Variants in FOXJ3 observed in about 807,000 individuals in gnomAD.
The protein encoded by FOXJ3 is forkhead box J3.
Under a neutral mutation model 76.1 loss-of-function variants are expected in FOXJ3, and 22 were observed. That is an observed-to-expected ratio of 0.29 (90% CI 0.21 to 0.41). The LOEUF is 0.41. Among genes scored for constraint, FOXJ3 ranks in the 10% least tolerant of loss-of-function variants. The probability of loss-of-function intolerance (pLI) is 1.00; values close to 1 mark genes in which losing one functional copy is unlikely to be tolerated. For synonymous variants in FOXJ3, 269 were observed against 261.2 expected, an observed-to-expected ratio of 1.03 and a Z score of -0.29; for missense variants, 613 against 762.1, an observed-to-expected ratio of 0.80 and a Z score of 2.30.
At chr1:42,297,788 T>C (rs1314437333) in intron 2 of FOXJ3, among the ~76,000 whole-genome samples, 1 of 152,216 alleles carries the variant, frequency 6.6e-6, no homozygotes, top group Non-Finnish European at 1.5e-5. Context: ...TGTCCTCACC[T>C]GACTTTGATA....
intron 2 of FOXJ3, 134 bp from the exon 3 acceptor site, chr1:42,278,806 T>C: frequency 6.2e-6 from 4 of 640,044 alleles, no homozygotes; most frequent in Non-Finnish European, 1.1e-5. Flanking sequence ...AGATTGAGTA[T>C]GTTAATGAGC....
At chr1:42,321,526 G>T (rs1166464693) in intron 1 of FOXJ3, among the ~76,000 whole-genome samples, 5 of 152,110 alleles carry the variant, frequency 3.3e-5, no homozygotes, top group Admixed American at 2.6e-4. Flanking sequence ...CTCTAGAAAG[G>T]TAGGAAACAG....
Position 42,309,986 on chromosome 1 carries a change from C to T in FOXJ3, c.44+1064G>A, listed in dbSNP as rs142215096. On this transcript the variant is annotated intron_variant, in intron 2 of 12. Transcript: ENST00000361346. The stretch of plus-strand genomic sequence containing the variant: ...ACAACACAACAGTTCCTACTTTTTA[C>T]ATTTCTCATGTTTTATTGTAAATGA... Among the ~76,000 whole-genome samples, 394 of 152,332 alleles carry T rather than the reference C, an allele frequency of 2.6e-3. 3 individuals are homozygous for T. The highest frequency in any genetic ancestry group is 9.0e-3 in the African/African-American group (376 of 41,574).
intron 3 of FOXJ3, among the ~76,000 whole-genome samples, chr1:42,275,554 A>C (rs972479970): frequency 3.0e-4 from 45 of 152,152 alleles, no homozygotes; most frequent in Non-Finnish European, 5.6e-4. Context: ...ACCCACCCGT[A>C]GTCGTAGCTA....
At chr1:42,304,528 C>T (rs1165223670) in intron 2 of FOXJ3, among the ~76,000 whole-genome samples, 20 of 152,090 alleles carry the variant, frequency 1.3e-4, no homozygotes, top group Admixed American at 1.0e-3. Context: ...GTAACCAAAA[C>T]AGTACGGTAC....
chr1:42,193,040 G>A (rs1213940075), intron 8 of FOXJ3, among the ~76,000 whole-genome samples: 1 of 152,002 alleles, frequency 6.6e-6, no homozygotes, highest in Non-Finnish European at 1.5e-5. Flanking sequence ...TTTTACAAGG[G>A]AACCAAGGTC....
intron 2 of FOXJ3, among the ~76,000 whole-genome samples, chr1:42,310,293 G>T (rs899670906): frequency 7.2e-5 from 11 of 151,890 alleles, no homozygotes; most frequent in African/African-American, 2.4e-4. Flanking sequence ...TTACAGGCAC[G>T]TGCAAACATG....
chr1:42,281,283 G>T (rs962223082), intron 2 of FOXJ3, among the ~76,000 whole-genome samples: 1 of 152,104 alleles, frequency 6.6e-6, no homozygotes, highest in Non-Finnish European at 1.5e-5. Flanking sequence ...ACACAACAAA[G>T]AACTGAATAA....
intron 6 of FOXJ3, among the ~76,000 whole-genome samples, chr1:42,200,452 A>G (rs1432838356): frequency 1.3e-5 from 2 of 151,796 alleles, no homozygotes; most frequent in South Asian, 2.1e-4. Context: ...TAAATCCTCC[A>G]TGTTTTATCC....
In FOXJ3 at chr1:42,226,222, T is replaced by TA. The variant is rs35054730; in HGVS notation, c.528+1660dup. The stretch of plus-strand genomic sequence containing the variant: ...CTAGGTATAAGCTGAGAGGAGTGCT[T>TA]AAAAAAAAAAAAAAGGCAAAGGCAA... On this transcript the variant is annotated intron_variant, in intron 5 of 12. Coordinates refer to ENST00000361346, the MANE Select transcript of FOXJ3 (RefSeq NM_014947.5). Among the ~76,000 whole-genome samples, 278 of 141,778 alleles carry TA rather than the reference T, an allele frequency of 2.0e-3. 1 individual carries two copies. The highest frequency in any genetic ancestry group is 0.019 in the South Asian group (84 of 4,402). 93.0% of individuals were successfully genotyped at this position (141,778 alleles called of 152,430 possible). A position where few individuals can be genotyped will look rare whatever the true frequency, so the allele number is the denominator to read the frequency against.
chr1:42,322,507 C>T (rs1225720202), intron 1 of FOXJ3, among the ~76,000 whole-genome samples: 1 of 151,732 alleles, frequency 6.6e-6, no homozygotes, highest in South Asian at 2.1e-4. Flanking sequence ...TGTTGAATCT[C>T]GATGGGTAAA....
chr1:42,299,945 G>A (rs530549245), intron 2 of FOXJ3, among the ~76,000 whole-genome samples: 27 of 151,800 alleles, frequency 1.8e-4, no homozygotes, highest in African/African-American at 4.8e-4. Context: ...GGCTCACACC[G>A]TAATCCGAGC....
At chr1:42,319,288 G>A (rs1467001176) in intron 1 of FOXJ3, among the ~76,000 whole-genome samples, 2 of 152,110 alleles carry the variant, frequency 1.3e-5, no homozygotes, top group African/African-American at 2.4e-5. Flanking sequence ...ACTGATGAAT[G>A]GATGTGTTAT....
intron 11 of FOXJ3, among the ~76,000 whole-genome samples, chr1:42,187,430 G>A (rs936683520): frequency 1.3e-5 from 2 of 152,082 alleles, no homozygotes; most frequent in Non-Finnish European, 2.9e-5. Flanking sequence ...AGAGAGAGGT[G>A]GTACACCTGG....
At chr1:42,250,798 CAAAAAAAA>C (rs61431089) in intron 4 of FOXJ3, among the ~76,000 whole-genome samples, 1 of 23,790 alleles carries the variant, frequency 4.2e-5, no homozygotes, top group African/African-American at 1.7e-4. Context: ...AACTCCATCT[CAAAAAAAA>C]AAAAAAAAAA....
In FOXJ3 at chr1:42,309,852, A is replaced by G. The variant is rs72962227; in HGVS notation, c.44+1198T>C. Among the ~76,000 whole-genome samples, 644 of 152,366 alleles carry G rather than the reference A, an allele frequency of 4.2e-3. 3 individuals carry two copies. The highest frequency in any genetic ancestry group is 0.014 in the African/African-American group (596 of 41,588). On this transcript the variant is annotated intron_variant, in intron 2 of 12. Coordinates refer to ENST00000361346, the MANE Select transcript of FOXJ3 (RefSeq NM_014947.5). ...AAGGTAGAACATGGAAGCTTAAACC[A>G]GCAAAAAGAAGTCATATGTTTATCT...
At chr1:42,216,042 A>T (rs142677907) in intron 5 of FOXJ3, among the ~76,000 whole-genome samples, 5 of 152,238 alleles carry the variant, frequency 3.3e-5, no homozygotes, top group Non-Finnish European at 7.4e-5. Flanking sequence ...GAAACAGAAA[A>T]TTTTTTAAAA....
intron 4 of FOXJ3, among the ~76,000 whole-genome samples, chr1:42,230,016 T>C (rs745677226): frequency 3.9e-5 from 6 of 152,128 alleles, no homozygotes; most frequent in Admixed American, 1.3e-4. Flanking sequence ...CAAAAACAAA[T>C]AGATAACTCT....
chr1:42,296,775 G>A (rs529256550), intron 2 of FOXJ3, among the ~76,000 whole-genome samples: 3 of 152,308 alleles, frequency 2.0e-5, no homozygotes, highest in African/African-American at 2.4e-5. Context: ...GCTTAGGATC[G>A]CTCTGGCTGA....
Sources: gnomAD v4.1 joint callset for allele counts (sites outside exome capture counted in the v4.1 genomes callset) on GRCh38, gnomAD v4.1.1 for gene constraint, MANE v1.5 for transcripts, NCBI Gene and HGNC (gene_info 2026-07-23, HGNC 2026-07-21) for gene names.